IAH1: variants seen among roughly 807,000 people sequenced by gnomAD.
IAH1 encodes isoamyl acetate hydrolyzing esterase 1 (putative), also known as isoamyl acetate-hydrolyzing esterase 1 homolog.
IAH1 carries 24 observed loss-of-function variants against 26.7 expected under a neutral mutation model. That is an observed-to-expected ratio of 0.90 (90% CI 0.65 to 1.26). The LOEUF (loss-of-function observed/expected upper bound fraction) is 1.26. IAH1 is among the 50% of genes most tolerant of loss of function. IAH1 has a pLI of 0.00. For missense variants in IAH1, 300 were observed against 299.9 expected (o/e 1.00, Z 0.00); for synonymous variants, 140 against 118.5 (o/e 1.18, Z -1.18).
chr2:9,499,229 A>G (rs1194469371), downstream of IAH1, among the ~76,000 whole-genome samples: 3 of 151,584 alleles, frequency 2.0e-5, no homozygotes, highest in African/African-American at 7.3e-5. Flanking sequence ...ATATCAAGGG[A>G]ACAAAAGGCT....
chr2:9,499,210 T>C (rs1025640095), downstream of IAH1, among the ~76,000 whole-genome samples: 2 of 151,890 alleles, frequency 1.3e-5, no homozygotes, highest in African/African-American at 4.8e-5. Context: ...ATCTACTATT[T>C]TGTATAAAAT....
chr2:9,502,355 A>G, the IAH1 span: 8 of 1,213,640 alleles, frequency 6.6e-6, no homozygotes, highest in African/African-American at 1.5e-5. Flanking sequence ...GTTACGTTAC[A>G]GTGACCTGAA....
intron 5 of IAH1, chr2:9,487,414 T>C (rs950557366): frequency 6.6e-6 from 1 of 152,102 alleles, no homozygotes; most frequent in Non-Finnish European, 1.5e-5. Flanking sequence ...CCCTGAACAC[T>C]CCTAATACCA....
intron 4 of IAH1, among the ~76,000 whole-genome samples, chr2:9,482,137 T>G (rs1194585840): frequency 6.7e-6 from 1 of 149,978 alleles, no homozygotes; most frequent in Non-Finnish European, 1.5e-5. Context: ...GCTCAAGCAA[T>G]TCTGCCTCAG....
the IAH1 span, among the ~76,000 whole-genome samples, chr2:9,506,575 C>G: frequency 6.6e-6 from 1 of 151,834 alleles, no homozygotes; most frequent in Admixed American, 6.6e-5. Flanking sequence ...CCATGTTGAC[C>G]AGGATGGTCT....
intron 5 of IAH1, among the ~76,000 whole-genome samples, chr2:9,487,807 T>C (rs564454498): frequency 2.0e-4 from 18 of 91,440 alleles, no homozygotes; most frequent in South Asian, 9.5e-4. Flanking sequence ...TGTGTGTGTG[T>C]GTGTGTGTGT....
chr2:9,503,513 T>C, the IAH1 span, among the ~76,000 whole-genome samples: 1 of 152,212 alleles, frequency 6.6e-6, no homozygotes, highest in African/African-American at 2.4e-5. Flanking sequence ...TTAAATCTTA[T>C]ACCCTTGTTA....
rs766817155 is a variant in IAH1, at chr2:9,488,362, C to CT, written c.*34dup. On this transcript the variant is annotated 3_prime_UTR_variant, in exon 6 of 6. Coordinates refer to ENST00000497473, the MANE Select transcript of IAH1 (RefSeq NM_001039613.3). ...CAGGAGACCCAAATCTGCTTGTTAT[C>CT]TACAGAACTCAAAGTTGTCAATACG... 6.5e-7 allele frequency: 1 copy of CT among 1,533,272 alleles called. No individual in the cohort carries two copies. The highest frequency in any genetic ancestry group is 8.8e-7 in the Non-Finnish European group (1 of 1,141,576). 95.0% of individuals were successfully genotyped at this position (1,533,272 alleles called of 1,614,324 possible).
Position 9,476,003 on chromosome 2 carries a change from G to A in IAH1, c.98G>A (p.Gly33Asp), listed in dbSNP as rs202201577. Residue 33 changes from glycine (G) to aspartate (D), a missense_variant, in exon 2 of 6, where the codon GGT (glycine) becomes GAT (aspartate). Coordinates refer to ENST00000497473, the MANE Select transcript of IAH1 (RefSeq NM_001039613.3). ...DSITQFSFQQ[G>D]GWGASLADRL... is the part of the protein sequence containing the mutation. ...TTCCTCCAGTTTTCCTTCCAGCAGG[G>A]TGGATGGGGAGCATCGCTGGCTGAC... 1.2e-4 allele frequency: 192 copies of A among 1,613,864 alleles called. 1 individual carries two copies. In the African/African-American group the frequency reaches 2.3e-3, roughly 19 times the overall value.
chr2:9,480,049 T>C (rs1661074288), intron 3 of IAH1, among the ~76,000 whole-genome samples: 1 of 151,962 alleles, frequency 6.6e-6, no homozygotes, highest in African/African-American at 2.4e-5. Flanking sequence ...CCTCAGGTGA[T>C]CCACCTGCCT....
In IAH1 at chr2:9,474,644, C is replaced by G. The variant is rs1487804563; in HGVS notation, c.78C>G (p.Thr26=). Reference sequence around the variant, plus strand: ...TGTTGCTCTTCGGGGACTCCATCACCCAGGTACGGCCGCCCCGACGCTCGG... The same window carrying G: ...TGTTGCTCTTCGGGGACTCCATCACGCAGGTACGGCCGCCCCGACGCTCGG... ...PRLLLFGDSI[T]QFSFQQGGWG... The change falls in exon 1 of 6, where the codon ACC becomes ACG. Residue 26 remains threonine (T), a synonymous_variant. Transcript: ENST00000497473. This position sits in a 1 kb window ranked among gnomAD's most constrained non-coding sequence, Gnocchi z 4.3. The G allele has an allele frequency of 1.9e-6, 3 of 1,549,804 alleles. No individual in the cohort carries two copies. The highest frequency in any genetic ancestry group is 2.6e-5 in the East Asian group (1 of 38,520).
the IAH1 span, among the ~76,000 whole-genome samples, chr2:9,509,535 C>A: frequency 6.6e-6 from 1 of 152,080 alleles, no homozygotes; most frequent in Non-Finnish European, 1.5e-5. Context: ...CAAGGAAGGG[C>A]CTTTCTCCCA....
rs763487998 is a variant in IAH1, at chr2:9,475,253, C to G, written c.81+606C>G. 85 of 1,227,898 alleles carry G rather than the reference C, an allele frequency of 6.9e-5. No homozygotes were observed. In the South Asian group the frequency reaches 9.8e-4, roughly 14 times the overall value. 76.1% of individuals were successfully genotyped at this position (1,227,898 alleles called of 1,614,324 possible). A position where few individuals can be genotyped will look rare whatever the true frequency, so the allele number is the denominator to read the frequency against. ...CGGGGAGGGAGTAGAAATTCCATTC[C>G]TGTGTGTGTCCTCTTCTCAGACAGG... On this transcript the variant is annotated intron_variant, in intron 1 of 5. Coordinates refer to ENST00000497473, the MANE Select transcript of IAH1 (RefSeq NM_001039613.3).
chr2:9,474,538 G>GGACCC, upstream of IAH1: 1 of 1,293,726 alleles, frequency 7.7e-7, no homozygotes, highest in Non-Finnish European at 1.0e-6. This position sits in a 1 kb window ranked among gnomAD's most constrained non-coding sequence, Gnocchi z 4.3. Context: ...CGTGGCTGGC[G>GGACCC]GCCCCGCCCC....
intron 4 of IAH1, among the ~76,000 whole-genome samples, chr2:9,483,696 C>T (rs1345869247): frequency 6.6e-6 from 1 of 152,142 alleles, no homozygotes; most frequent in African/African-American, 2.4e-5. Context: ...ACCAACCTAG[C>T]ACAATCCCCA....
At position 9,474,681 on chromosome 2, in the gene IAH1, G is replaced by A. The variant is rs771721482; in HGVS notation, c.81+34G>A. ...GCCCCGACGCTCGGCCTCCCGCCCC[G>A]GCCTCCCTGCGGGGTCGCTGCCGAG... On this transcript the variant is annotated intron_variant, in intron 1 of 5. Coordinates refer to ENST00000497473, the MANE Select transcript of IAH1 (RefSeq NM_001039613.3). The surrounding 1 kb of genome is among the most constrained non-coding windows in gnomAD (Gnocchi z 4.3). The A allele has an allele frequency of 2.7e-6, 4 of 1,482,338 alleles. No individual in the cohort carries two copies. The highest frequency in any genetic ancestry group is 1.5e-5 in the African/African-American group (1 of 68,858). 91.8% of individuals were successfully genotyped at this position (1,482,338 alleles called of 1,614,324 possible). A position where few individuals can be genotyped will look rare whatever the true frequency, so the allele number is the denominator to read the frequency against.
downstream of IAH1, among the ~76,000 whole-genome samples, chr2:9,498,122 T>G (rs1662753694): frequency 6.6e-6 from 1 of 152,180 alleles, no homozygotes; most frequent in South Asian, 2.1e-4. Context: ...CTCAAACTCC[T>G]AGGTTCCGGC....
chr2:9,501,571 AAAC>A, the IAH1 span, among the ~76,000 whole-genome samples: 2 of 152,236 alleles, frequency 1.3e-5, no homozygotes, highest in Non-Finnish European at 2.9e-5. Flanking sequence ...TCATATAACT[AAAC>A]AATATGTAGG....
upstream of IAH1, chr2:9,474,380 C>T (rs376387044): frequency 4.7e-6 from 2 of 427,178 alleles, no homozygotes; most frequent in African/African-American, 2.1e-5. The surrounding 1 kb of genome is among the most constrained non-coding windows in gnomAD (Gnocchi z 4.3). Flanking sequence ...TGGGGGCAGC[C>T]TTGCTGTGGG....
Sources: allele counts gnomAD v4.1 joint callset (sites outside exome capture counted in the v4.1 genomes callset), GRCh38; gene constraint gnomAD v4.1.1; non-coding constraint Gnocchi (gnomAD v3.1); transcripts MANE v1.5; gene names NCBI Gene and HGNC (gene_info 2026-07-23, HGNC 2026-07-21).